Variants in MRPS6 observed in about 807,000 individuals in gnomAD.
The protein encoded by MRPS6 is small ribosomal subunit protein bS6m.
In MRPS6, 6 loss-of-function variants were observed where a neutral mutation model predicts 13.1. The observed-to-expected ratio is 0.46, with a 90% CI of 0.25 to 0.91. The LOEUF is 0.91. Among genes scored for constraint, MRPS6 ranks in the 40% least tolerant of loss-of-function variants. The pLI, the probability that MRPS6 is intolerant of heterozygous loss-of-function variation, is 0.18. For missense variants in MRPS6, 164 were observed against 155.6 expected (o/e 1.05, Z -0.29); for synonymous variants, 61 against 56.5 (o/e 1.08, Z -0.36).
intron 2 of MRPS6, among the ~76,000 whole-genome samples, chr21:34,134,438 A>G (rs1980615331): frequency 6.6e-6 from 1 of 152,200 alleles, no homozygotes; most frequent in East Asian, 1.9e-4. Context: ...ATCCCACATC[A>G]GCTCATTGAC....
At chr21:34,083,424 AT>A (rs1250469669) in intron 1 of MRPS6, among the ~76,000 whole-genome samples, 1 of 152,184 alleles carries the variant, frequency 6.6e-6, no homozygotes, top group Non-Finnish European at 1.5e-5. Context: ...TTTGATTCAG[AT>A]TTAAGGTGAA....
chr21:34,126,791 T>C lies in MRPS6; in HGVS notation c.185+1311T>C, dbSNP rs11911758. ...AGTACTTCCAGGGGTTTCTGCCCTT[T>C]TTTCAAGTAGAGGATTTGACTTTGT... is the stretch of plus-strand genomic sequence containing the variant. On this transcript the variant is annotated intron_variant, in intron 2 of 2. Coordinates refer to ENST00000399312, the MANE Select transcript of MRPS6 (RefSeq NM_032476.4). Among the ~76,000 whole-genome samples the C allele has an allele frequency of 7.5e-3, 1,139 of 152,310 alleles. 14 individuals are homozygous for C. Among genetic ancestry groups the C allele is most frequent in the African/African-American group, 0.026 (1,093 of 41,564 alleles).
rs995370718 is a variant in MRPS6 at position 34,096,158 on chromosome 21, C to T, written c.45+22413C>T. On this transcript the variant is annotated intron_variant, in intron 1 of 2. Transcript: ENST00000399312. The surrounding 1 kb of genome is among the most constrained non-coding windows in gnomAD (Gnocchi z 5.9). Reference sequence around the variant, plus strand: ...TCATAGTTGTCCCAGGAATGATTTCCAGGATACTGTTTACTGATGATATAG... The same window carrying T: ...TCATAGTTGTCCCAGGAATGATTTCTAGGATACTGTTTACTGATGATATAG... The T allele has an allele frequency of 1.5e-5, 25 of 1,614,006 alleles. No individual in the cohort carries two copies. Among genetic ancestry groups the T allele is most frequent in the Non-Finnish European group, 1.8e-5 (21 of 1,180,008 alleles).
At position 34,142,576 on chromosome 21, in the gene MRPS6, T is replaced by C. The variant is rs1422470005; in HGVS notation, c.354T>C (p.Tyr118=). The C allele has an allele frequency of 1.9e-6, 3 of 1,606,312 alleles. 1 individual carries two copies. The Admixed American group carries it at 5.2e-5, about 28-fold the overall frequency. The part of the protein sequence containing the change: ...IVPVPLAEKL[Y]STKKRKK ...CAGTCCCACTCGCAGAAAAATTATATTCCACAAAGAAGAGGAAGAAGTGAG... is the reference window on the plus strand; with the variant it reads ...CAGTCCCACTCGCAGAAAAATTATACTCCACAAAGAAGAGGAAGAAGTGAG... Residue 118 remains tyrosine (Y), a synonymous_variant, in exon 3 of 3, where the codon TAT becomes TAC. Coordinates refer to ENST00000399312, the MANE Select transcript of MRPS6 (RefSeq NM_032476.4).
At chr21:34,084,773 C>G (rs1989533626) in intron 1 of MRPS6, among the ~76,000 whole-genome samples, 1 of 152,158 alleles carries the variant, frequency 6.6e-6, no homozygotes, top group Admixed American at 6.5e-5. Flanking sequence ...TTCCAGTCTG[C>G]TCACCTCTGT....
At chr21:34,110,080 C>T (rs8130450) in intron 1 of MRPS6, among the ~76,000 whole-genome samples, 173 of 152,230 alleles carry the variant, frequency 1.1e-3, no homozygotes, top group African/African-American at 3.8e-3. Flanking sequence ...AACATGTTGC[C>T]TACCAGAAGC....
intron 1 of MRPS6, among the ~76,000 whole-genome samples, chr21:34,108,507 A>G (rs1482999805): frequency 6.6e-6 from 1 of 152,168 alleles, no homozygotes; most frequent in African/African-American, 2.4e-5. Flanking sequence ...TTCTCAGAAC[A>G]TGTTCCTGTT....
intron 2 of MRPS6, among the ~76,000 whole-genome samples, chr21:34,126,562 A>T (rs1052876228): frequency 6.6e-6 from 1 of 152,238 alleles, no homozygotes; most frequent in Admixed American, 6.5e-5. Context: ...TTCCACAGTC[A>T]TAATAACAAT....
At chr21:34,074,004 C>T (rs1346330455) in intron 1 of MRPS6, among the ~76,000 whole-genome samples, 5 of 145,782 alleles carry the variant, frequency 3.4e-5, no homozygotes, top group Non-Finnish European at 6.1e-5. Flanking sequence ...GCAAGCGGCC[C>T]GCCGGGCGGG....
chr21:34,087,403 T>G (rs1222663488), intron 1 of MRPS6, among the ~76,000 whole-genome samples: 1 of 152,228 alleles, frequency 6.6e-6, no homozygotes, highest in Non-Finnish European at 1.5e-5. Flanking sequence ...TAACAAACAT[T>G]TGAGCACCTG....
At chr21:34,099,898 A>G (rs748779757) in intron 1 of MRPS6, 1 of 347,510 alleles carries the variant, frequency 2.9e-6, no homozygotes, top group East Asian at 1.7e-4. Context: ...GTGCTCGAGT[A>G]AGTTTGTGAA....
chr21:34,094,555 CAT>C (rs1569416124), intron 1 of MRPS6, among the ~76,000 whole-genome samples: 2 of 152,174 alleles, frequency 1.3e-5, no homozygotes, highest in East Asian at 3.9e-4. Context: ...CTAATCTGAG[CAT>C]ACCACAGTAA....
chr21:34,076,876 G>C (rs750049324), intron 1 of MRPS6, among the ~76,000 whole-genome samples: 14 of 152,212 alleles, frequency 9.2e-5, no homozygotes, highest in Non-Finnish European at 1.3e-4. Context: ...CATCAAGAGA[G>C]TTTTATTCAC....
chr21:34,107,174 C>T (rs1348555254), intron 1 of MRPS6, among the ~76,000 whole-genome samples: 1 of 152,196 alleles, frequency 6.6e-6, no homozygotes, highest in South Asian at 2.1e-4. Flanking sequence ...TCAGGTGATC[C>T]ACCTGCCTCA....
intron 1 of MRPS6, chr21:34,101,659 T>G (rs903209370): frequency 1.0e-6 from 1 of 1,000,098 alleles, no homozygotes; most frequent in Non-Finnish European, 1.2e-6. Flanking sequence ...TTAGTTCACT[T>G]TAAGGCATAT....
intron 1 of MRPS6, among the ~76,000 whole-genome samples, chr21:34,080,846 C>A (rs748507484): frequency 5.3e-5 from 8 of 152,230 alleles, no homozygotes; most frequent in Non-Finnish European, 1.2e-4. Context: ...TATGATACAG[C>A]GTGTTGACCT....
chr21:34,132,980 G>A (rs1980557269), intron 2 of MRPS6, among the ~76,000 whole-genome samples: 1 of 152,282 alleles, frequency 6.6e-6, no homozygotes, highest in East Asian at 1.9e-4. Context: ...GAGGCAACGT[G>A]TAGGAAACCA....
rs7276680 is a variant in MRPS6, at chr21:34,075,931, A to G, written c.45+2186A>G. On this transcript the variant is annotated intron_variant, in intron 1 of 2. Transcript: ENST00000399312. ...CTTGCACACCGGTAGCAGGCCTTGG[A>G]GAAACCACAGTTCTAACCCGAGGCA... 8.2e-3 allele frequency among the ~76,000 whole-genome samples: 1,249 copies of G among 152,350 alleles called. 16 individuals are homozygous for G. Among genetic ancestry groups the G allele is most frequent in the African/African-American group, 0.029 (1,200 of 41,574 alleles).
intron 1 of MRPS6, among the ~76,000 whole-genome samples, chr21:34,120,046 A>G (rs983687383): frequency 2.0e-5 from 3 of 152,242 alleles, no homozygotes; most frequent in African/African-American, 7.2e-5. Flanking sequence ...TTGTGAAAAC[A>G]GTAGTGAGTA....
Sources: gnomAD v4.1 joint callset for allele counts (sites outside exome capture counted in the v4.1 genomes callset) on GRCh38, gnomAD v4.1.1 for gene constraint, Gnocchi (gnomAD v3.1) non-coding constraint, MANE v1.5 for transcripts, NCBI Gene and HGNC (gene_info 2026-07-23, HGNC 2026-07-21) for gene names.